The following MAD1L1 variants were observed in gnomAD, a reference collection of about 807,000 sequenced individuals.
MAD1L1 encodes mitotic arrest deficient 1 like 1, also known as mitotic spindle assembly checkpoint protein MAD1.
Under a neutral mutation model 96.9 loss-of-function variants are expected in MAD1L1, and 95 were observed. The observed-to-expected ratio is 0.98, with a 90% confidence interval of 0.83 to 1.16. MAD1L1 has a LOEUF of 1.16. Among genes scored for constraint, MAD1L1 ranks in the 50% most tolerant of loss-of-function variants. The pLI is 0.00. For synonymous variants in MAD1L1, 473 were observed against 396.6 expected, an observed-to-expected ratio of 1.19 and a Z score of -2.29; for missense variants, 1,007 against 954.4, an observed-to-expected ratio of 1.06 and a Z score of -0.73.
Position 1,971,871 on chromosome 7 carries a change from C to T in MAD1L1, c.1505+8582G>A, listed in dbSNP as rs1012025806. ...GGATACCCACCCCAGCAACAATTTCCGGAAGCAGGGAGGAGGGAGCGCTGG... is the reference window on the plus strand; with the variant it reads ...GGATACCCACCCCAGCAACAATTTCTGGAAGCAGGGAGGAGGGAGCGCTGG... On this transcript the variant is annotated intron_variant, in intron 15 of 18. Transcript: ENST00000265854. 3.9e-5 allele frequency among the ~76,000 whole-genome samples: 6 copies of T among 152,266 alleles called. No homozygotes were observed. The South Asian group carries it at 8.3e-4, about 21-fold the overall frequency.
At chr7:1,853,106 C>A (rs12534253) in intron 18 of MAD1L1, among the ~76,000 whole-genome samples, 5 of 152,280 alleles carry the variant, frequency 3.3e-5, no homozygotes, top group Admixed American at 3.3e-4. Context: ...CCAGGGAGAG[C>A]CCCGAGGAAG....
chr7:1,864,762 G>C (rs1036332876), intron 18 of MAD1L1, among the ~76,000 whole-genome samples: 13 of 152,152 alleles, frequency 8.5e-5, no homozygotes, highest in Non-Finnish European at 1.6e-4. Context: ...GGGTGAGGGG[G>C]TTCCCACTGT....
intron 18 of MAD1L1, chr7:1,845,317 C>G (rs907175954): frequency 6.6e-6 from 1 of 152,282 alleles, no homozygotes; most frequent in Non-Finnish European, 1.5e-5. Context: ...GAGAGGCCGG[C>G]GGCTCTGACC....
rs1251246599 is a variant in MAD1L1 at position 1,898,282 on chromosome 7, T to C, written c.1916A>G (p.Tyr639Cys). 3.1e-6 allele frequency: 5 copies of C among 1,614,132 alleles called. No individual in the cohort carries two copies. The highest frequency in any genetic ancestry group is 1.1e-5 in the South Asian group (1 of 91,052). Reference protein sequence around the residue: ...FRKACYTLTGYQIDITTENQY... With the variant: ...FRKACYTLTGCQIDITTENQY... Reference sequence around the variant, plus strand: ...GTTCTCCGTGGTGATGTCGATCTGGTAGCCGGTGAGCGTGTAGCAGGCCTT... The same window carrying C: ...GTTCTCCGTGGTGATGTCGATCTGGCAGCCGGTGAGCGTGTAGCAGGCCTT... Residue 639 changes from tyrosine (Y) to cysteine (C), a missense_variant, in exon 18 of 19, where the codon TAC becomes TGC. Coordinates refer to ENST00000265854, the MANE Select transcript of MAD1L1 (RefSeq NM_001013836.2).
chr7:2,171,090 C>T (rs765891925), intron 10 of MAD1L1, among the ~76,000 whole-genome samples: 2 of 152,232 alleles, frequency 1.3e-5, no homozygotes, highest in Admixed American at 6.5e-5. Flanking sequence ...CTTGCTGCTA[C>T]GCCACTGGTG....
intron 11 of MAD1L1, among the ~76,000 whole-genome samples, chr7:2,081,003 G>A (rs1785614980): frequency 6.6e-6 from 1 of 152,174 alleles, no homozygotes; most frequent in Non-Finnish European, 1.5e-5. Flanking sequence ...CAGACTCTGT[G>A]CCCCCTCTCC....
chr7:1,831,302 T>C (rs533285065), intron 18 of MAD1L1, among the ~76,000 whole-genome samples: 1 of 152,352 alleles, frequency 6.6e-6, no homozygotes, highest in South Asian at 2.1e-4. Context: ...ACCATTGTAA[T>C]GGTTTCGGAG....
intron 18 of MAD1L1, among the ~76,000 whole-genome samples, chr7:1,843,844 T>G (rs1583528204): frequency 6.6e-6 from 1 of 152,170 alleles, no homozygotes; most frequent in Non-Finnish European, 1.5e-5. Context: ...GAGCGTGAGC[T>G]CCGAATGATT....
intron 12 of MAD1L1, among the ~76,000 whole-genome samples, chr7:2,047,593 T>G (rs1297047899): frequency 6.6e-6 from 1 of 152,212 alleles, no homozygotes; most frequent in Non-Finnish European, 1.5e-5. Context: ...GGCTTAATGT[T>G]CCATGAGGGT....
chr7:2,043,719 CGA>C (rs1181968128), intron 12 of MAD1L1, among the ~76,000 whole-genome samples: 1 of 152,208 alleles, frequency 6.6e-6, no homozygotes, highest in Non-Finnish European at 1.5e-5. Context: ...GCCTTTTTCT[CGA>C]GAGTGGGGGC....
intron 12 of MAD1L1, among the ~76,000 whole-genome samples, chr7:2,051,649 C>A (rs1399272825): frequency 6.2e-5 from 9 of 146,250 alleles, no homozygotes; most frequent in African/African-American, 2.3e-4. Context: ...CCCACCCCCC[C>A]ACCAGCTGCC....
intron 12 of MAD1L1, among the ~76,000 whole-genome samples, chr7:2,047,481 T>G (rs558737159): frequency 7.2e-5 from 11 of 152,234 alleles, no homozygotes; most frequent in Non-Finnish European, 1.3e-4. Context: ...GGATGATGTT[T>G]AATACCTCCC....
intron 11 of MAD1L1, among the ~76,000 whole-genome samples, chr7:2,133,997 T>G (rs1788638743): frequency 6.6e-6 from 1 of 152,230 alleles, no homozygotes; most frequent in South Asian, 2.1e-4. Context: ...TTCACTGGTG[T>G]TGTGCTGGCC....
At chr7:1,831,769 G>A (rs1782714170) in intron 18 of MAD1L1, among the ~76,000 whole-genome samples, 1 of 152,214 alleles carries the variant, frequency 6.6e-6, no homozygotes, top group African/African-American at 2.4e-5. Flanking sequence ...TTCTCTGTCT[G>A]TGCTCTATCA....
chr7:1,824,041 G>C (rs1330111671), intron 18 of MAD1L1, among the ~76,000 whole-genome samples: 2 of 152,150 alleles, frequency 1.3e-5, no homozygotes. Flanking sequence ...TGAGGATGGG[G>C]TGTCCTGCAG....
rs576826666 is a variant in MAD1L1, at chr7:1,946,747, C to T, written c.1597-9850G>A. 1.4e-4 allele frequency among the ~76,000 whole-genome samples: 21 copies of T among 152,356 alleles called. No homozygotes were observed. In the South Asian group the frequency reaches 4.3e-3, roughly 32 times the overall value. On this transcript the variant is annotated intron_variant, in intron 16 of 18. Transcript: ENST00000265854. ...TGTCCAAGCTCCCCTCCAGGCTGGG[C>T]CTAGGGTTCTGGAGATGACAGGGCC...
At chr7:1,908,103 G>GCA (rs1787786503) in intron 17 of MAD1L1, among the ~76,000 whole-genome samples, 1 of 152,210 alleles carries the variant, frequency 6.6e-6, no homozygotes, top group African/African-American at 2.4e-5. Flanking sequence ...CACAGCCTGG[G>GCA]CACAGCACCT....
chr7:2,096,737 G>C (rs571843628), intron 11 of MAD1L1, among the ~76,000 whole-genome samples: 1 of 152,110 alleles, frequency 6.6e-6, no homozygotes, highest in Admixed American at 6.5e-5. Flanking sequence ...GCCCCTTCAC[G>C]AGGCCCAGCC....
chr7:1,930,840 C>A (rs1392183564), intron 17 of MAD1L1, among the ~76,000 whole-genome samples: 1 of 152,090 alleles, frequency 6.6e-6, no homozygotes, highest in Admixed American at 6.5e-5. Context: ...GCCTGAAGCC[C>A]TCACAACTTA....
Sources: gnomAD v4.1 joint callset for allele counts (sites outside exome capture counted in the v4.1 genomes callset) on GRCh38, gnomAD v4.1.1 for gene constraint, MANE v1.5 for transcripts, NCBI Gene and HGNC (gene_info 2026-07-23, HGNC 2026-07-21) for gene names.